Variants in CMPK1 observed in about 807,000 individuals in gnomAD.
CMPK1 encodes UMP-CMP kinase.
A neutral mutation model predicts 25.7 loss-of-function variants in CMPK1; 10 were observed. The ratio of observed to expected loss-of-function variants is 0.39; its 90% confidence interval spans 0.24 to 0.66. The LOEUF is 0.66. Ranked by LOEUF, CMPK1 falls within the 30% of genes least tolerant of loss-of-function variation. CMPK1 has a pLI of 0.48. For missense variants in CMPK1, 199 were observed against 280.5 expected, an observed-to-expected ratio of 0.71 and a Z score of 2.08; for synonymous variants, 106 against 101.5, an observed-to-expected ratio of 1.04 and a Z score of -0.27.
At chr1:47,334,425 C>T (rs78041605) in intron 1 of CMPK1, among the ~76,000 whole-genome samples, 5,197 of 152,306 alleles carry the variant, frequency 0.034, 117 homozygotes, top group Non-Finnish European at 0.051. Flanking sequence ...CGGAGGCCAA[C>T]CTTTGGGGGT....
intron 2 of CMPK1, among the ~76,000 whole-genome samples, chr1:47,369,909 C>CT (rs60145419): frequency 0.078 from 7,283 of 93,664 alleles, 435 homozygotes; most frequent in East Asian, 0.3. Context: ...CTTTCTCTCT[C>CT]TTTTTTTTTT....
Position 47,375,245 on chromosome 1 carries a change from A to C in CMPK1, c.597A>C (p.Glu199Asp). ...QSTKPIIDLY[E>D]EMGKVKKIDA... ...CAAAGCCAATTATTGACTTATATGA[A>C]GAAATGGGGAAAGTCAAGAAAATAG... Residue 199 changes from glutamate to aspartate, a missense_variant, in exon 5 of 6, where the codon GAA becomes GAC. Glu to Asp is a conservative substitution (Grantham distance 45, BLOSUM62 2). Transcript: ENST00000371873. 6.2e-7 allele frequency: 1 copy of C among 1,609,086 alleles called. No homozygotes were observed. The highest frequency in any genetic ancestry group is 8.5e-7 in the Non-Finnish European group (1 of 1,178,732).
At chr1:47,334,276 C>A (rs990506231) in intron 1 of CMPK1, among the ~76,000 whole-genome samples, 160 bp downstream of exon 1, 9 of 151,746 alleles carry the variant, frequency 5.9e-5, no homozygotes, top group African/African-American at 2.2e-4. Flanking sequence ...GGGCCGCCGG[C>A]GCGCGGCGTG....
intron 1 of CMPK1, among the ~76,000 whole-genome samples, chr1:47,340,015 T>TCCCTC (rs1557800738): frequency 7.9e-6 from 1 of 126,188 alleles, no homozygotes; most frequent in Admixed American, 8.8e-5. Context: ...GCTGCCCTCT[T>TCCCTC]CCCTCCCCTC....
chr1:47,371,689 C>A (rs1646678843), intron 2 of CMPK1, among the ~76,000 whole-genome samples: 1 of 152,164 alleles, frequency 6.6e-6, no homozygotes, highest in Non-Finnish European at 1.5e-5. Context: ...TCATATGTTT[C>A]TTTCTGGATG....
chr1:47,358,556 C>T (rs1646579278), intron 1 of CMPK1: 1 of 1,013,044 alleles, frequency 9.9e-7, no homozygotes. Flanking sequence ...TATAAATAAA[C>T]AGATCTAAGA....
intron 1 of CMPK1, among the ~76,000 whole-genome samples, chr1:47,334,670 G>T (rs1249883763): frequency 6.6e-6 from 1 of 152,196 alleles, no homozygotes; most frequent in Non-Finnish European, 1.5e-5. Flanking sequence ...GTGGGCTGCC[G>T]CTGGCACTCT....
chr1:47,369,062 G>A (rs961396767), intron 2 of CMPK1, among the ~76,000 whole-genome samples: 3 of 152,218 alleles, frequency 2.0e-5, no homozygotes, highest in Admixed American at 2.0e-4. Context: ...GGTGTGCAGT[G>A]TCCTGATCAC....
intron 1 of CMPK1, among the ~76,000 whole-genome samples, chr1:47,364,402 C>A (rs532696207): frequency 6.6e-6 from 1 of 151,408 alleles, no homozygotes; most frequent in African/African-American, 2.4e-5. Context: ...ACTGCAAGCT[C>A]CGCCTCCCGG....
chr1:47,348,648 A>G (rs1286440873), intron 1 of CMPK1, among the ~76,000 whole-genome samples: 2 of 152,180 alleles, frequency 1.3e-5, no homozygotes, highest in East Asian at 1.9e-4. Flanking sequence ...AGCTGGTTCC[A>G]TTCCCCGTTG....
intron 1 of CMPK1, among the ~76,000 whole-genome samples, chr1:47,361,322 G>A (rs996497945): frequency 2.6e-5 from 4 of 152,314 alleles, no homozygotes; most frequent in South Asian, 2.1e-4. Context: ...CCAGGAGGCG[G>A]AGGTTGCAGT....
chr1:47,374,026 C>T lies in CMPK1; in HGVS notation c.472-883C>T, dbSNP rs187550426. ...TCTTAGGTTGAATTGTAAATGTGCC[C>T]CTGGTGGAGAATCTTGCTGCAGCCT... is the stretch of plus-strand genomic sequence containing the variant. On this transcript the variant is annotated intron_variant, in intron 3 of 5. Coordinates refer to ENST00000371873, the MANE Select transcript of CMPK1 (RefSeq NM_016308.3). 5.3e-3 allele frequency among the ~76,000 whole-genome samples: 801 copies of T among 152,040 alleles called. 8 individuals carry two copies. Among genetic ancestry groups the T allele is most frequent in the Admixed American group, 0.027 (420 of 15,274 alleles).
chr1:47,373,239 G>A, intron 3 of CMPK1, 132 bp downstream of exon 3: 9 of 738,784 alleles, frequency 1.2e-5, no homozygotes, highest in South Asian at 8.0e-5. Context: ...TTGGATGGAC[G>A]GAACAGCACT....
chr1:47,341,360 T>TTTTG (rs942880401), intron 1 of CMPK1, among the ~76,000 whole-genome samples: 4 of 152,128 alleles, frequency 2.6e-5, no homozygotes, highest in African/African-American at 9.7e-5. Context: ...ATTTGTGTTT[T>TTTTG]TTTGTTTGTT....
chr1:47,348,058 A>C (rs1222568751), intron 1 of CMPK1, among the ~76,000 whole-genome samples: 1 of 142,220 alleles, frequency 7.0e-6, no homozygotes, highest in African/African-American at 2.4e-5. Flanking sequence ...TCCAGTTTAG[A>C]TGCTAATGCA....
intron 1 of CMPK1, chr1:47,358,469 G>A: frequency 8.6e-7 from 1 of 1,164,524 alleles, no homozygotes. Context: ...ATCTAATAAT[G>A]ATATTTTGCT....
chr1:47,360,467 C>T (rs898420949), intron 1 of CMPK1, among the ~76,000 whole-genome samples: 12 of 152,138 alleles, frequency 7.9e-5, no homozygotes, highest in African/African-American at 2.9e-4. Context: ...AGGAAACAAT[C>T]TGTTTAGTGG....
At chr1:47,360,698 CTG>C (rs1384392792) in intron 1 of CMPK1, among the ~76,000 whole-genome samples, 1 of 152,230 alleles carries the variant, frequency 6.6e-6, no homozygotes, top group African/African-American at 2.4e-5. Flanking sequence ...TTTCCTTCCT[CTG>C]TGTCAGCACA....
chr1:47,349,667 G>A (rs1287807024), intron 1 of CMPK1, among the ~76,000 whole-genome samples: 1 of 152,150 alleles, frequency 6.6e-6, no homozygotes, highest in Non-Finnish European at 1.5e-5. Context: ...AAAGCTTTTT[G>A]AAATGTAACA....
Sources: gnomAD v4.1 joint callset for allele counts (sites outside exome capture counted in the v4.1 genomes callset) on GRCh38, gnomAD v4.1.1 for gene constraint, MANE v1.5 for transcripts, NCBI Gene and HGNC (gene_info 2026-07-23, HGNC 2026-07-21) for gene names.